TNFAIP3: variants seen among roughly 807,000 people sequenced by gnomAD.
TNFAIP3 encodes the protein tumor necrosis factor alpha-induced protein 3.
Under a neutral mutation model 72.4 loss-of-function variants are expected in TNFAIP3, and 9 were observed. The observed-to-expected ratio is 0.12, with a 90% CI of 0.07 to 0.22. The LOEUF is 0.22. Among genes scored for constraint, TNFAIP3 ranks in the 10% least tolerant of loss-of-function variants. The pLI is 1.00. For synonymous variants in TNFAIP3, 339 were observed against 372.6 expected (o/e 0.91, Z 1.04); for missense variants, 833 against 1,018.7 (o/e 0.82, Z 2.48).
intron 1 of TNFAIP3, among the ~76,000 whole-genome samples, chr6:137,870,002 G>C (rs958922224): frequency 2.6e-5 from 4 of 152,222 alleles, no homozygotes; most frequent in African/African-American, 9.7e-5. Flanking sequence ...ATCCTGCGCT[G>C]TTGGCATGGG....
rs765060800 is a variant in TNFAIP3 at position 137,881,356 on chromosome 6, G to A, written c.*37G>A. On this transcript the variant is annotated 3_prime_UTR_variant, in exon 9 of 9. Coordinates refer to ENST00000612899, the MANE Select transcript of TNFAIP3 (RefSeq NM_001270508.2). The surrounding 1 kb of genome is among the most constrained non-coding windows in gnomAD (Gnocchi z 5.0). Reference sequence around the variant, plus strand: ...TGGGTCACCTCCTGCAAGAAGTGGGGCCTCGAGCTGTCAGTCATCATGGTG... The same window carrying A: ...TGGGTCACCTCCTGCAAGAAGTGGGACCTCGAGCTGTCAGTCATCATGGTG... 2 of 1,515,776 alleles carry A rather than the reference G, an allele frequency of 1.3e-6. No individual in the cohort carries two copies. Among genetic ancestry groups the A allele is most frequent in the East Asian group, 2.3e-5 (1 of 43,946 alleles). 93.9% of individuals were successfully genotyped at this position (1,515,776 alleles called of 1,614,324 possible).
chr6:137,877,427 C>T (rs1478172187), intron 6 of TNFAIP3, among the ~76,000 whole-genome samples, 171 bp downstream of exon 6: 1 of 152,182 alleles, frequency 6.6e-6, no homozygotes, highest in East Asian at 1.9e-4. Context: ...TTATGTAAGG[C>T]AGTACTAACT....
At position 137,881,618 on chromosome 6, in the gene TNFAIP3, T is replaced by C. The variant is rs1776466257; in HGVS notation, c.*299T>C. On this transcript the variant is annotated 3_prime_UTR_variant, in exon 9 of 9. Transcript: ENST00000612899. The surrounding 1 kb of genome is among the most constrained non-coding windows in gnomAD (Gnocchi z 5.0). ...CAGGAACTTCTTTGGACTTGGAAGG[T>C]GTGCGGGGACTGGCCGAGGCCCCTG... 2.8e-6 allele frequency: 1 copy of C among 357,808 alleles called. No individual in the cohort carries two copies. The highest frequency in any genetic ancestry group is 5.0e-6 in the Non-Finnish European group (1 of 198,920). The allele number at this position is 357,808 out of a possible 1,614,324, so 22.2% of individuals were successfully genotyped here.
At chr6:137,876,964 A>T in intron 5 of TNFAIP3, 112 bp from the exon 6 acceptor site, 5 of 857,738 alleles carry the variant, frequency 5.8e-6, no homozygotes, top group Non-Finnish European at 8.5e-6. Context: ...GGCTAAGAAT[A>T]CTTTTCTATT....
In TNFAIP3 at chr6:137,875,045, T is replaced by C. The variant is rs756348119; in HGVS notation, c.486+10T>C. ...TTGCTATGATACTCGGGTAGGTTTT[T>C]CCCCCTAATTATCTACTAACAGAGC... On this transcript the variant is annotated intron_variant, in intron 3 of 8. Transcript: ENST00000612899. 1.2e-6 allele frequency: 2 copies of C among 1,613,704 alleles called. No individual in the cohort carries two copies. Among genetic ancestry groups the C allele is most frequent in the African/African-American group, 2.7e-5 (2 of 74,924 alleles).
chr6:137,875,894 T>C (rs1224516231), intron 4 of TNFAIP3, 59 bp downstream of exon 4: 2 of 1,607,040 alleles, frequency 1.2e-6, no homozygotes, highest in South Asian at 1.1e-5. Context: ...ATGCCTTGGC[T>C]CCTGGAGAAA....
Position 137,878,996 on chromosome 6 carries a change from T to A in TNFAIP3, c.1551T>A (p.Asp517Glu), listed in dbSNP as rs768755720. 1.2e-6 allele frequency: 2 copies of A among 1,614,002 alleles called. No homozygotes were observed. Among genetic ancestry groups the A allele is most frequent in the Admixed American group, 3.3e-5 (2 of 60,006 alleles). Reference protein sequence around the residue: ...SHAPDHTRHLDPGKCQACLQD... With the variant: ...SHAPDHTRHLEPGKCQACLQD... ...CCCCAGACCACACAAGGCACTTGGATCCCGGGAAGTGCCAAGCCTGCCTCC... is the reference window on the plus strand; with the variant it reads ...CCCCAGACCACACAAGGCACTTGGAACCCGGGAAGTGCCAAGCCTGCCTCC... Residue 517 changes from aspartate to glutamate, a missense_variant, in exon 7 of 9, where the codon GAT becomes GAA. By Grantham distance (45) the Asp-to-Glu change is conservative (BLOSUM62 2). Around this residue, in one of 2 missense-constraint regions of TNFAIP3, gnomAD observed 587 missense variants for 657.8 expected, o/e 0.89. Transcript: ENST00000612899.
intron 2 of TNFAIP3, among the ~76,000 whole-genome samples, chr6:137,872,136 T>G (rs1776084877): frequency 6.6e-6 from 1 of 152,242 alleles, no homozygotes; most frequent in African/African-American, 2.4e-5. Flanking sequence ...CTTCATTATT[T>G]TTAGGGGTTC....
chr6:137,878,612 G>A lies in TNFAIP3; in HGVS notation c.1167G>A (p.Thr389=), dbSNP rs781274783. Residue 389 remains threonine (T), a synonymous_variant, in exon 7 of 9, where the codon ACG becomes ACA. Coordinates refer to ENST00000612899, the MANE Select transcript of TNFAIP3 (RefSeq NM_001270508.2). The part of the protein sequence containing the change: ...QLSLMDVKCE[T]PNCPFFMSVN... ...CTCTCATGGATGTAAAATGTGAAAC[G>A]CCCAACTGCCCCTTCTTCATGTCTG... The A allele has an allele frequency of 5.6e-6, 9 of 1,614,100 alleles. No homozygotes were observed. In the East Asian group the frequency reaches 1.8e-4, roughly 32 times the overall value.
In TNFAIP3 at chr6:137,875,745, G is replaced by A. The variant is rs1237744126; in HGVS notation, c.544G>A (p.Ala182Thr). 1 of 1,614,102 alleles carries A rather than the reference G, an allele frequency of 6.2e-7. No homozygotes were observed. The highest frequency in any genetic ancestry group is 8.5e-7 in the Non-Finnish European group (1 of 1,180,026). ...AATGGCTTCCACAGACACACCCATG[G>A]CCCGAAGTGGACTTCAGTACAACTC... ...IKMASTDTPMARSGLQYNSLE... is the reference protein window; with the variant it reads ...IKMASTDTPMTRSGLQYNSLE... The change falls in exon 4 of 9, where the codon GCC becomes ACC. Residue 182 changes from alanine (A) to threonine (T), a missense_variant. By Grantham distance (58) the Ala-to-Thr change is moderately conservative. Transcript: ENST00000612899.
rs1163634415 is a variant in TNFAIP3 at position 137,878,500 on chromosome 6, A to G, written c.1055A>G (p.Glu352Gly). The G allele has an allele frequency of 6.2e-7, 1 of 1,614,272 alleles. No homozygotes were observed. Among genetic ancestry groups the G allele is most frequent in the South Asian group, 1.1e-5 (1 of 91,086 alleles). The change falls in exon 7 of 9, where the codon GAG (glutamate) becomes GGG (glycine). Residue 352 changes from glutamate to glycine, a missense_variant. By Grantham distance (98) the Glu-to-Gly change is moderately conservative (BLOSUM62 -2). Around this residue, in one of 2 missense-constraint regions of TNFAIP3, gnomAD observed 587 missense variants for 657.8 expected, o/e 0.89. Transcript: ENST00000612899. Reference protein sequence around the residue: ...VDDYFELVQHEYKKWQENSEQ... With the variant: ...VDDYFELVQHGYKKWQENSEQ... ...GATTACTTTGAACTTGTTCAGCATG[A>G]GTACAAGAAATGGCAGGAAAACAGC...
At position 137,877,062 on chromosome 6, in the gene TNFAIP3, AT is replaced by A. The variant is rs2114489531; in HGVS notation, c.806-7del. 1 of 1,573,344 alleles carries A rather than the reference AT, an allele frequency of 6.4e-7. No individual in the cohort carries two copies. Among genetic ancestry groups the A allele is most frequent in the Non-Finnish European group, 8.6e-7 (1 of 1,159,126 alleles). On this transcript the variant is annotated splice_polypyrimidine_tract_variant and intron_variant, in intron 5 of 8. Transcript: ENST00000612899. ...TAGAATACTGTTTTACTTATGTATTATTTTTTTCCTTAGAAATCCGAGCTGT... is the reference window on the plus strand; with the variant it reads ...TAGAATACTGTTTTACTTATGTATTATTTTTTCCTTAGAAATCCGAGCTGT...
chr6:137,881,831 C>T lies in TNFAIP3; in HGVS notation c.*512C>T, dbSNP rs756408610. On this transcript the variant is annotated 3_prime_UTR_variant, in exon 9 of 9. Coordinates refer to ENST00000612899, the MANE Select transcript of TNFAIP3 (RefSeq NM_001270508.2). The surrounding 1 kb of genome is among the most constrained non-coding windows in gnomAD (Gnocchi z 5.0). ...CTCAAGGAAGCTCAGGGAAAATGGA[C>T]GTATTCAGAGAGTGTTTGTAGTTCA... 14 of 233,208 alleles carry T rather than the reference C, an allele frequency of 6.0e-5. No individual in the cohort carries two copies. Among genetic ancestry groups the T allele is most frequent in the Non-Finnish European group, 1.1e-4 (13 of 118,112 alleles). 14.4% of individuals were successfully genotyped at this position (233,208 alleles called of 1,614,324 possible).
Position 137,869,392 on chromosome 6 carries a change from C to CGGAT in TNFAIP3, c.-15-1818_-15-1817insTGGA, listed in dbSNP as rs1491493145. Among the ~76,000 whole-genome samples the CGGAT allele has an allele frequency of 5.1e-3, 690 of 135,684 alleles. 7 individuals carry two copies. The highest frequency in any genetic ancestry group is 0.018 in the African/African-American group (652 of 36,304). The allele number at this position is 135,684 out of a possible 152,430, so 89.0% of individuals were successfully genotyped here. A position where few individuals can be genotyped will look rare whatever the true frequency, so the allele number is the denominator to read the frequency against. ...ATGGATGGATGGACGGACGGACGGACGGACGGATAGATGATATTGTGAAAG... is the reference window on the plus strand; with the variant it reads ...ATGGATGGATGGACGGACGGACGGACGGATGGACGGATAGATGATATTGTGAAAG... On this transcript the variant is annotated intron_variant, in intron 1 of 8. Coordinates refer to ENST00000612899, the MANE Select transcript of TNFAIP3 (RefSeq NM_001270508.2).
chr6:137,876,337 C>T, intron 5 of TNFAIP3, 171 bp downstream of exon 5: 2 of 606,812 alleles, frequency 3.3e-6, no homozygotes, highest in South Asian at 2.2e-5. Flanking sequence ...ATCATAATAC[C>T]CTCATATCTT....
At position 137,878,808 on chromosome 6, in the gene TNFAIP3, G is replaced by A. The variant is rs2114499980; in HGVS notation, c.1363G>A (p.Gly455Arg). ...PLAWNPEEST[G>R]GPHSAPPTAP... Reference sequence around the variant, plus strand: ...GGCGTGGAACCCTGAGGAGTCCACTGGGGGGCCTCATTCGGCCCCACCGAC... The same window carrying A: ...GGCGTGGAACCCTGAGGAGTCCACTAGGGGGCCTCATTCGGCCCCACCGAC... Residue 455 changes from glycine (G) to arginine (R), a missense_variant, in exon 7 of 9, where the codon GGG becomes AGG. Gly to Arg is a moderately radical substitution (Grantham distance 125). Transcript: ENST00000612899. The A allele has an allele frequency of 6.2e-7, 1 of 1,614,048 alleles. No individual in the cohort carries two copies. The highest frequency in any genetic ancestry group is 1.1e-5 in the South Asian group (1 of 91,080).
rs199876928 is a variant in TNFAIP3, at chr6:137,871,292, G to A, written c.65G>A (p.Arg22Gln). Residue 22 changes from arginine to glutamine, a missense_variant, in exon 2 of 9, where the codon CGG (arginine) becomes CAG (glutamine). By Grantham distance (43) the Arg-to-Gln change is conservative (BLOSUM62 1). Around this residue, in one of 2 missense-constraint regions of TNFAIP3, gnomAD observed 246 missense variants for 360.9 expected, o/e 0.68. Coordinates refer to ENST00000612899, the MANE Select transcript of TNFAIP3 (RefSeq NM_001270508.2). This position sits in a 1 kb window ranked among gnomAD's most constrained non-coding sequence, Gnocchi z 4.2. ...LSNMRKAVKI[R>Q]ERTPEDIFKP... The stretch of plus-strand genomic sequence containing the variant: ...AATATGCGGAAAGCTGTGAAGATAC[G>A]GGAGAGAACTCCAGAAGACATTTTT... 3 of 1,614,020 alleles carry A rather than the reference G, an allele frequency of 1.9e-6. No individual in the cohort carries two copies. The highest frequency in any genetic ancestry group is 3.3e-5 in the Admixed American group (2 of 59,998).
intron 1 of TNFAIP3, among the ~76,000 whole-genome samples, chr6:137,870,397 A>G (rs761887586): frequency 9.9e-5 from 15 of 152,232 alleles, no homozygotes; most frequent in Admixed American, 3.3e-4. Flanking sequence ...TGCCAGGATT[A>G]AAGGCATGAG....
Position 137,867,794 on chromosome 6 carries a change from A to G in TNFAIP3, c.-16+252A>G, listed in dbSNP as rs1166897449. The G allele has an allele frequency of 6.6e-6, 1 of 152,396 alleles. No homozygotes were observed. The highest frequency in any genetic ancestry group is 6.5e-5 in the Admixed American group (1 of 15,282). 9.4% of individuals were successfully genotyped at this position (152,396 alleles called of 1,614,324 possible). A position where few individuals can be genotyped will look rare whatever the true frequency, so the allele number is the denominator to read the frequency against. Reference sequence around the variant, plus strand: ...GCTGTTCCTTTCAGATAATGCACGGAACTTAAGCTGCAGCTGACTGGTGAA... The same window carrying G: ...GCTGTTCCTTTCAGATAATGCACGGGACTTAAGCTGCAGCTGACTGGTGAA... On this transcript the variant is annotated intron_variant, in intron 1 of 8. Transcript: ENST00000612899. This position sits in a 1 kb window ranked among gnomAD's most constrained non-coding sequence, Gnocchi z 6.0.
Sources: gnomAD v4.1 joint callset for allele counts (sites outside exome capture counted in the v4.1 genomes callset) on GRCh38, gnomAD v4.1.1 for gene constraint, gnomAD v4.1.1 regional missense constraint, Gnocchi (gnomAD v3.1) non-coding constraint, MANE v1.5 for transcripts, NCBI Gene and HGNC (gene_info 2026-07-23, HGNC 2026-07-21) for gene names.